The following RBPJ variants were observed in gnomAD, a reference collection of about 807,000 sequenced individuals.
RBPJ encodes recombination signal binding protein for immunoglobulin kappa J region.
In RBPJ, 9 loss-of-function variants were observed where a neutral mutation model predicts 67.8. That is an observed-to-expected ratio of 0.13 (90% CI 0.08 to 0.23). The LOEUF is 0.23. RBPJ is among the 10% of genes least tolerant of loss of function. The pLI is 1.00. For missense variants in RBPJ, 305 were observed against 595.6 expected (o/e 0.51, Z 5.08); for synonymous variants, 198 against 203.3 (o/e 0.97, Z 0.22).
intron 1 of RBPJ, among the ~76,000 whole-genome samples, chr4:26,296,816 C>T (rs956091456): frequency 4.6e-5 from 7 of 152,128 alleles, no homozygotes; most frequent in African/African-American, 1.4e-4. Context: ...ATAGCAATTG[C>T]GCTTTCAAGG....
At chr4:26,211,163 A>G (rs1192143160) in intron 1 of RBPJ, among the ~76,000 whole-genome samples, 2 of 152,174 alleles carry the variant, frequency 1.3e-5, no homozygotes, top group African/African-American at 4.8e-5. Context: ...CTGAAATTAT[A>G]TAGAAAGTAC....
In RBPJ at chr4:26,208,579, C is replaced by T. The variant is rs77230111; in HGVS notation, c.-167+44965C>T. 5.1e-3 allele frequency among the ~76,000 whole-genome samples: 770 copies of T among 152,314 alleles called. 5 individuals carry two copies. The highest frequency in any genetic ancestry group is 0.018 in the African/African-American group (730 of 41,576). ...CAAACTGAAAGGATTTTTAAATTGTCTGAAGATCCCTTTGCCACAAGCCAT... is the reference window on the plus strand; with the variant it reads ...CAAACTGAAAGGATTTTTAAATTGTTTGAAGATCCCTTTGCCACAAGCCAT... On this transcript the variant is annotated intron_variant, in intron 1 of 4. Transcript: ENST00000512351.
At position 26,430,457 on chromosome 4, in the gene RBPJ, A is replaced by G. The variant is rs748912523; in HGVS notation, c.1083A>G (p.Thr361=). 9 of 1,611,426 alleles carry G rather than the reference A, an allele frequency of 5.6e-6. No homozygotes were observed. The highest frequency in any genetic ancestry group is 2.2e-5 in the South Asian group (2 of 90,186). The change falls in exon 10 of 11, where the codon ACA becomes ACG. Residue 361 remains threonine (T), a synonymous_variant. Transcript: ENST00000355476. The surrounding 1 kb of genome is among the most constrained non-coding windows in gnomAD (Gnocchi z 4.1). The part of the protein sequence containing the change: ...GGGDVAMLEL[T]GQNFTPNLRV... ...GGGACGTAGCAATGCTTGAACTTAC[A>G]GGACAGAATTTCACTCCAAATTTAC...
chr4:26,252,138 A>G (rs1188278546), intron 1 of RBPJ, among the ~76,000 whole-genome samples: 1 of 151,706 alleles, frequency 6.6e-6, no homozygotes, highest in African/African-American at 2.4e-5. Context: ...TGGATATAGT[A>G]TGTCGGCATG....
At chr4:26,345,792 A>T (rs1176094685) in intron 1 of RBPJ, among the ~76,000 whole-genome samples, 1 of 152,142 alleles carries the variant, frequency 6.6e-6, no homozygotes, top group Admixed American at 6.5e-5. Context: ...TAGTCAGATG[A>T]CTACCCCATC....
the RBPJ span, chr4:26,113,252 G>C: frequency 3.0e-6 from 1 of 332,642 alleles, no homozygotes; most frequent in Non-Finnish European, 6.0e-6. Flanking sequence ...ATGAAAATGG[G>C]AATAATTTCA....
intron 7 of RBPJ, among the ~76,000 whole-genome samples, chr4:26,426,461 A>G (rs1214517344): frequency 6.6e-6 from 1 of 152,236 alleles, no homozygotes; most frequent in Non-Finnish European, 1.5e-5. Flanking sequence ...TTAACTTATT[A>G]GAAAAAGTTG....
chr4:26,197,739 A>T lies in RBPJ; in HGVS notation c.-167+34125A>T, dbSNP rs565403196. On this transcript the variant is annotated intron_variant, in intron 1 of 4. Transcript: ENST00000512351. The stretch of plus-strand genomic sequence containing the variant: ...CCTCCAGCCTCCTCTGCTGATGTGT[A>T]TGGGCACCCCTGGCCGCTTGTCTTC... Among the ~76,000 whole-genome samples, 55 of 151,990 alleles carry T rather than the reference A, an allele frequency of 3.6e-4. 2 individuals are homozygous for T. The South Asian group carries it at 0.011, about 32-fold the overall frequency.
chr4:26,420,275 A>G (rs943648709), intron 4 of RBPJ, among the ~76,000 whole-genome samples: 5 of 152,182 alleles, frequency 3.3e-5, no homozygotes, highest in African/African-American at 9.7e-5. Context: ...TTGTAGAGCT[A>G]TGTAAAACAA....
intron 1 of RBPJ, among the ~76,000 whole-genome samples, chr4:26,341,635 A>G (rs1440565953): frequency 2.0e-5 from 3 of 151,924 alleles, no homozygotes; most frequent in Non-Finnish European, 4.4e-5. Context: ...AAACAAAACA[A>G]AAAAAAACCA....
chr4:26,417,365 A>G (rs1400880826), intron 4 of RBPJ, among the ~76,000 whole-genome samples: 1 of 152,152 alleles, frequency 6.6e-6, no homozygotes. Context: ...CTGCCTCAAC[A>G]TGGAGATCTT....
chr4:26,319,784 A>G, upstream of RBPJ: 1 of 1,282,310 alleles, frequency 7.8e-7, no homozygotes, highest in Non-Finnish European at 1.1e-6. Context: ...TCGGGCGGCG[A>G]ATTCCAGTTC....
At chr4:26,417,193 G>A (rs1331589853) in intron 4 of RBPJ, among the ~76,000 whole-genome samples, 2 of 152,302 alleles carry the variant, frequency 1.3e-5, no homozygotes, top group East Asian at 3.9e-4. Context: ...CTACCTGTGT[G>A]TATAACTGTT....
chr4:26,314,535 C>G (rs1018165903), intron 1 of RBPJ, among the ~76,000 whole-genome samples: 1 of 152,024 alleles, frequency 6.6e-6, no homozygotes, highest in East Asian at 1.9e-4. Context: ...CTTCTTGGTG[C>G]TGTTCTTGTG....
upstream of RBPJ, among the ~76,000 whole-genome samples, chr4:26,161,606 T>A (rs191611912): frequency 2.7e-3 from 412 of 152,248 alleles, no homozygotes; most frequent in African/African-American, 9.1e-3. Flanking sequence ...GGAAAGTGGA[T>A]GGAGCTGTTA....
chr4:26,211,878 C>G (rs1718436183), intron 1 of RBPJ, among the ~76,000 whole-genome samples: 2 of 152,056 alleles, frequency 1.3e-5, no homozygotes, highest in African/African-American at 2.4e-5. Context: ...GTAGACCATC[C>G]AATATGACTG....
At chr4:26,213,258 C>G (rs1333697813) in intron 1 of RBPJ, among the ~76,000 whole-genome samples, 1 of 152,130 alleles carries the variant, frequency 6.6e-6, no homozygotes, top group Non-Finnish European at 1.5e-5. Context: ...AACTGGGGAA[C>G]AACCAACTGG....
intron 1 of RBPJ, among the ~76,000 whole-genome samples, chr4:26,371,534 T>A (rs1729161846): frequency 6.6e-6 from 1 of 151,924 alleles, no homozygotes; most frequent in African/African-American, 2.4e-5. Context: ...AGTTGGCATT[T>A]TTTTTTCTCA....
At chr4:26,395,936 C>A (rs532992940) in intron 2 of RBPJ, among the ~76,000 whole-genome samples, 9 of 152,244 alleles carry the variant, frequency 5.9e-5, no homozygotes, top group African/African-American at 1.9e-4. Flanking sequence ...AGTGTATTTT[C>A]TTTGTCTCCT....
Sources: allele counts gnomAD v4.1 joint callset (sites outside exome capture counted in the v4.1 genomes callset), GRCh38; gene constraint gnomAD v4.1.1; non-coding constraint Gnocchi (gnomAD v3.1); transcripts MANE v1.5; gene names NCBI Gene and HGNC (gene_info 2026-07-23, HGNC 2026-07-21).